SLX4IP: variants seen among roughly 807,000 people sequenced by gnomAD.
SLX4IP encodes the protein SLX4 interacting protein.
In SLX4IP, 34 loss-of-function variants were observed where a neutral mutation model predicts 32.9. That is an observed-to-expected ratio of 1.03 (90% CI 0.79 to 1.38). The LOEUF (loss-of-function observed/expected upper bound fraction) is 1.38. Ranked by LOEUF, SLX4IP falls within the 40% of genes most tolerant of loss-of-function variation. The pLI is 0.00. For synonymous variants in SLX4IP, 172 were observed against 171.7 expected (o/e 1.00, Z -0.01); for missense variants, 444 against 479.0 (o/e 0.93, Z 0.68).
At chr20:10,577,428 A>G (rs898381047) in intron 4 of SLX4IP, among the ~76,000 whole-genome samples, 3 of 152,198 alleles carry the variant, frequency 2.0e-5, no homozygotes, top group African/African-American at 4.8e-5. Flanking sequence ...CTGAAAGATA[A>G]CAATAAGGCC....
intron 2 of SLX4IP, among the ~76,000 whole-genome samples, chr20:10,530,362 T>C (rs530951723): frequency 6.6e-6 from 1 of 152,226 alleles, no homozygotes; most frequent in Non-Finnish European, 1.5e-5. Context: ...GTGAATATAG[T>C]TCCATTGGTG....
At chr20:10,492,975 CT>C (rs139913424) in intron 2 of SLX4IP, among the ~76,000 whole-genome samples, 13 of 149,548 alleles carry the variant, frequency 8.7e-5, no homozygotes, top group African/African-American at 2.0e-4. Context: ...TATCACAAGT[CT>C]TTTTTTTTTA....
chr20:10,515,865 A>G (rs1263327600), intron 2 of SLX4IP, among the ~76,000 whole-genome samples: 1 of 152,186 alleles, frequency 6.6e-6, no homozygotes, highest in Non-Finnish European at 1.5e-5. Flanking sequence ...CAGCTCTCTC[A>G]CATGTTACTT....
intron 2 of SLX4IP, among the ~76,000 whole-genome samples, chr20:10,498,649 T>C (rs146865507): frequency 3.8e-4 from 57 of 151,752 alleles, no homozygotes; most frequent in African/African-American, 1.3e-3. Flanking sequence ...GGAGGTTCTT[T>C]GGTGCTTGTA....
chr20:10,485,100 C>T (rs1034820916), intron 2 of SLX4IP, among the ~76,000 whole-genome samples: 2 of 151,742 alleles, frequency 1.3e-5, no homozygotes, highest in Non-Finnish European at 2.9e-5. Context: ...ACGAGATTAG[C>T]CTTATATTTT....
chr20:10,446,683 C>T (rs2065205274), intron 1 of SLX4IP, among the ~76,000 whole-genome samples: 1 of 152,064 alleles, frequency 6.6e-6, no homozygotes, highest in African/African-American at 2.4e-5. Context: ...AGTGATATCT[C>T]ATTGTGGTTT....
intron 2 of SLX4IP, among the ~76,000 whole-genome samples, chr20:10,510,546 GC>G (rs1568715882): frequency 6.6e-6 from 1 of 152,030 alleles, no homozygotes; most frequent in African/African-American, 2.4e-5. Context: ...AGAGAGCCTG[GC>G]CATGGCCTTA....
intron 5 of SLX4IP, among the ~76,000 whole-genome samples, chr20:10,601,056 A>C (rs751373925): frequency 6.6e-6 from 1 of 152,206 alleles, no homozygotes; most frequent in Non-Finnish European, 1.5e-5. Context: ...CGAGGAGTCC[A>C]GTTCAGTGAT....
intron 4 of SLX4IP, among the ~76,000 whole-genome samples, chr20:10,587,706 C>T (rs1744834181): frequency 6.6e-6 from 1 of 151,990 alleles, no homozygotes; most frequent in Non-Finnish European, 1.5e-5. Flanking sequence ...GTGTATATGG[C>T]CAAATATTCT....
chr20:10,490,064 G>T (rs570932473), intron 2 of SLX4IP, among the ~76,000 whole-genome samples: 1 of 152,130 alleles, frequency 6.6e-6, no homozygotes, highest in East Asian at 1.9e-4. Flanking sequence ...CACCTGTATG[G>T]ATTATGAATG....
intron 2 of SLX4IP, among the ~76,000 whole-genome samples, chr20:10,459,803 T>C (rs2065321339): frequency 1.3e-5 from 2 of 152,086 alleles, no homozygotes; most frequent in African/African-American, 2.4e-5. Context: ...TGAGGGATAG[T>C]GGGAAGGGAG....
At chr20:10,617,558 C>A (rs1457636855) in intron 6 of SLX4IP, among the ~76,000 whole-genome samples, 1 of 152,006 alleles carries the variant, frequency 6.6e-6, no homozygotes, top group East Asian at 1.9e-4. Flanking sequence ...GGGGTGACTC[C>A]TTGGTTTATC....
At chr20:10,444,598 G>A (rs1046108249) in intron 1 of SLX4IP, among the ~76,000 whole-genome samples, 33 of 151,964 alleles carry the variant, frequency 2.2e-4, no homozygotes, top group South Asian at 1.9e-3. Context: ...CGCTGGTCTC[G>A]AACTCCTGAC....
chr20:10,554,013 T>C (rs1227844302), intron 2 of SLX4IP, among the ~76,000 whole-genome samples: 1 of 152,224 alleles, frequency 6.6e-6, no homozygotes, highest in Non-Finnish European at 1.5e-5. Context: ...TGATGTATAA[T>C]TTAAATATAG....
chr20:10,477,035 TC>T, intron 2 of SLX4IP, among the ~76,000 whole-genome samples: 1 of 152,214 alleles, frequency 6.6e-6, no homozygotes. Flanking sequence ...GAAATATTAT[TC>T]GAAGTTTAAG....
intron 2 of SLX4IP, among the ~76,000 whole-genome samples, chr20:10,528,350 TG>T (rs2065956570): frequency 6.6e-6 from 1 of 152,172 alleles, no homozygotes; most frequent in Non-Finnish European, 1.5e-5. Context: ...ATTTTTGAAA[TG>T]TAATTAATTT....
intron 2 of SLX4IP, among the ~76,000 whole-genome samples, chr20:10,461,600 C>A (rs118064372): frequency 0.017 from 2,612 of 152,260 alleles, 32 homozygotes; most frequent in Middle Eastern, 0.031. Context: ...TGAAGTTTTG[C>A]CAGGTTTCTG....
chr20:10,583,725 C>G (rs149534773), intron 4 of SLX4IP, among the ~76,000 whole-genome samples: 1 of 152,112 alleles, frequency 6.6e-6, no homozygotes, highest in African/African-American at 2.4e-5. Flanking sequence ...TCTAATTTCA[C>G]GCTAACAATG....
At chr20:10,498,418 C>T (rs1197246294) in intron 2 of SLX4IP, among the ~76,000 whole-genome samples, 3 of 152,046 alleles carry the variant, frequency 2.0e-5, no homozygotes, top group Non-Finnish European at 2.9e-5. Flanking sequence ...TTCCCACTGC[C>T]CCTGCCAGGT....
Sources: gnomAD v4.1 joint callset for allele counts (sites outside exome capture counted in the v4.1 genomes callset) on GRCh38, gnomAD v4.1.1 for gene constraint, MANE v1.5 for transcripts, NCBI Gene and HGNC (gene_info 2026-07-23, HGNC 2026-07-21) for gene names.